The following EPB41L1 variants were observed in gnomAD, a reference collection of about 807,000 sequenced individuals.
EPB41L1 encodes the protein erythrocyte membrane protein band 4.1 like 1, also known as band 4.1-like protein 1.
EPB41L1 carries 29 observed loss-of-function variants against 97.8 expected under a neutral mutation model. The observed-to-expected ratio is 0.30, with a 90% CI of 0.22 to 0.40. The LOEUF (loss-of-function observed/expected upper bound fraction) is 0.40, where lower values mean the gene tolerates loss of function less well. EPB41L1 is among the 10% of genes least tolerant of loss of function. The pLI is 1.00. For synonymous variants in EPB41L1, 383 were observed against 459.2 expected (o/e 0.83, Z 2.12); for missense variants, 812 against 1,162.3 (o/e 0.70, Z 4.38).
chr20:36,142,068 C>T (rs1186688756), intron 2 of EPB41L1, among the ~76,000 whole-genome samples: 2 of 148,854 alleles, frequency 1.3e-5, no homozygotes, highest in Non-Finnish European at 3.0e-5. Context: ...GAGATCATGC[C>T]ACTGCACTTC....
intron 8 of EPB41L1, 147 bp from the exon 9 acceptor site, chr20:36,188,200 G>A: frequency 9.7e-7 from 1 of 1,034,092 alleles, no homozygotes; most frequent in Non-Finnish European, 1.5e-6. Context: ...GGAGGGATTG[G>A]TCAGTGGGAC....
intron 1 of EPB41L1, among the ~76,000 whole-genome samples, chr20:36,168,711 G>C (rs940959986): frequency 6.6e-6 from 1 of 151,564 alleles, no homozygotes; most frequent in Admixed American, 6.6e-5. Flanking sequence ...GTGCCACCAC[G>C]CCCAGCTAAT....
chr20:36,192,852 C>A (rs766607185), intron 11 of EPB41L1, among the ~76,000 whole-genome samples: 33 of 152,312 alleles, frequency 2.2e-4, no homozygotes, highest in Admixed American at 2.6e-4. Context: ...AGAAATGGCT[C>A]TGCAGAAAGG....
At position 36,225,997 on chromosome 20, in the gene EPB41L1, C is replaced by G. The variant is rs11908077; in HGVS notation, c.2638-3335C>G. Reference sequence around the variant, plus strand: ...CTCTTCTGGGTTGTTCTGTAAAGGTCACCTTGTTTATGTTGCCCTGGCAAG... The same window carrying G: ...CTCTTCTGGGTTGTTCTGTAAAGGTGACCTTGTTTATGTTGCCCTGGCAAG... On this transcript the variant is annotated intron_variant, in intron 21 of 21. Coordinates refer to ENST00000338074, the MANE Select transcript of EPB41L1 (RefSeq NM_012156.2). Among the ~76,000 whole-genome samples, 324 of 152,328 alleles carry G rather than the reference C, an allele frequency of 2.1e-3. 2 individuals carry two copies. The highest frequency in any genetic ancestry group is 7.5e-3 in the African/African-American group (311 of 41,570).
Position 36,197,592 on chromosome 20 carries a change from G to A in EPB41L1, c.1486-267G>A, listed in dbSNP as rs891961779. ...AGGTTGGCTGTTCAGAGGCTGTAGA[G>A]CCAGGCAAGGGAGAAGCGAAGGTGG... On this transcript the variant is annotated intron_variant, in intron 13 of 21. Transcript: ENST00000338074. 1.5e-5 allele frequency: 15 copies of A among 981,232 alleles called. No individual in the cohort carries two copies. In the African/African-American group the frequency reaches 2.6e-4, roughly 17 times the overall value. 60.8% of individuals were successfully genotyped at this position (981,232 alleles called of 1,614,324 possible). A position where few individuals can be genotyped will look rare whatever the true frequency, so the allele number is the denominator to read the frequency against.
intron 2 of EPB41L1, among the ~76,000 whole-genome samples, chr20:36,130,970 G>C (rs1289805024): frequency 6.7e-6 from 1 of 148,316 alleles, no homozygotes; most frequent in African/African-American, 2.5e-5. Context: ...CACCACACCC[G>C]GCTAATTTTT....
At chr20:36,111,614 C>T (rs1442777009) in intron 1 of EPB41L1, among the ~76,000 whole-genome samples, 2 of 151,946 alleles carry the variant, frequency 1.3e-5, no homozygotes, top group Non-Finnish European at 2.9e-5. Context: ...GGTAAAACCT[C>T]GTCTCTACTA....
chr20:36,132,369 A>G (rs1042328645), intron 2 of EPB41L1, among the ~76,000 whole-genome samples: 29 of 151,904 alleles, frequency 1.9e-4, no homozygotes, highest in African/African-American at 7.0e-4. Flanking sequence ...TGCCTCCGTC[A>G]TCATATCTCC....
chr20:36,143,861 TC>T (rs1358684211), intron 2 of EPB41L1, among the ~76,000 whole-genome samples: 10 of 152,256 alleles, frequency 6.6e-5, no homozygotes, highest in African/African-American at 2.2e-4. Flanking sequence ...TTTTCTTTTT[TC>T]TTTTTTTTGA....
chr20:36,124,312 C>T (rs2058874849), intron 2 of EPB41L1, among the ~76,000 whole-genome samples: 2 of 152,188 alleles, frequency 1.3e-5, no homozygotes, highest in African/African-American at 2.4e-5. Context: ...GACTATGTCA[C>T]TCAGTGACTT....
At chr20:36,175,470 C>A (rs2145935343) in intron 2 of EPB41L1, 81 bp from the exon 3 acceptor site, 1 of 1,546,550 alleles carries the variant, frequency 6.5e-7, no homozygotes, top group East Asian at 2.2e-5. Context: ...GCCCCAGATG[C>A]CTCTATATTG....
At chr20:36,112,138 C>T (rs1473399670) in intron 1 of EPB41L1, among the ~76,000 whole-genome samples, 1 of 152,222 alleles carries the variant, frequency 6.6e-6, no homozygotes, top group Non-Finnish European at 1.5e-5. Context: ...TGCCCCTCTT[C>T]CATCCTCTAC....
chr20:36,170,127 A>G (rs1023921046), intron 1 of EPB41L1, among the ~76,000 whole-genome samples: 1 of 152,232 alleles, frequency 6.6e-6, no homozygotes, highest in Non-Finnish European at 1.5e-5. Flanking sequence ...TGTGAAATAA[A>G]GATTTCATCA....
chr20:36,137,554 C>T (rs754980327), intron 2 of EPB41L1, among the ~76,000 whole-genome samples: 5 of 150,860 alleles, frequency 3.3e-5, no homozygotes, highest in Non-Finnish European at 7.4e-5. Context: ...GACTGAGTTC[C>T]GCTTTTGTTG....
At chr20:36,182,483 C>G in intron 6 of EPB41L1, 136 bp downstream of exon 6, 1 of 907,758 alleles carries the variant, frequency 1.1e-6, no homozygotes. Context: ...CAGACAGCAT[C>G]GTACACAGGA....
rs1432399316 is a variant in EPB41L1, at chr20:36,191,945, G to GACTCAC, written c.1300+1148_1300+1149insACTCAC. On this transcript the variant is annotated intron_variant, in intron 11 of 21. Transcript: ENST00000338074. ...AGTGGCTTAAAGGTGGGAAGTGGGG[G>GACTCAC]CTGGGCATGGTGACTCATGCCTGTA... Among the ~76,000 whole-genome samples the GACTCAC allele has an allele frequency of 1.5e-4, 23 of 152,300 alleles. No homozygotes were observed. The East Asian group carries it at 4.4e-3, about 29-fold the overall frequency.
chr20:36,148,978 G>T (rs1485186641), intron 2 of EPB41L1, among the ~76,000 whole-genome samples: 2 of 152,192 alleles, frequency 1.3e-5, no homozygotes, highest in Non-Finnish European at 1.5e-5. Context: ...TGGAAGGGAG[G>T]CAACCTTCAG....
In EPB41L1 at chr20:36,231,888, C is replaced by T. The variant is rs1285507898; in HGVS notation, c.*2548C>T. The stretch of plus-strand genomic sequence containing the variant: ...AGAGCTGGAGTGGTGGCTCCATCCT[C>T]TCTGGGCCACTTCGGTCTAGGAACT... On this transcript the variant is annotated 3_prime_UTR_variant, in exon 22 of 22. Coordinates refer to ENST00000338074, the MANE Select transcript of EPB41L1 (RefSeq NM_012156.2). 6.5e-6 allele frequency: 1 copy of T among 152,798 alleles called. No individual in the cohort carries two copies. The highest frequency in any genetic ancestry group is 1.5e-5 in the Non-Finnish European group (1 of 68,116). The allele number at this position is 152,798 out of a possible 1,614,324, so 9.5% of individuals were successfully genotyped here.
At position 36,154,985 on chromosome 20, in the gene EPB41L1, G is replaced by A. The variant is rs2060227610; in HGVS notation, c.-15+89G>A. ...TCCAGCCCTGGGGAGGAACGGGGGC[G>A]AGGCCGAGAACTGAGTTTTCAGGCT... On this transcript the variant is annotated intron_variant, in intron 1 of 21. Transcript: ENST00000338074. This position sits in a 1 kb window ranked among gnomAD's most constrained non-coding sequence, Gnocchi z 5.5. 2 of 1,122,320 alleles carry A rather than the reference G, an allele frequency of 1.8e-6. No homozygotes were observed. Among genetic ancestry groups the A allele is most frequent in the Non-Finnish European group, 2.3e-6 (2 of 880,130 alleles). 69.5% of individuals were successfully genotyped at this position (1,122,320 alleles called of 1,614,324 possible). A position where few individuals can be genotyped will look rare whatever the true frequency, so the allele number is the denominator to read the frequency against.
Sources: gnomAD v4.1 joint callset for allele counts (sites outside exome capture counted in the v4.1 genomes callset) on GRCh38, gnomAD v4.1.1 for gene constraint, Gnocchi (gnomAD v3.1) non-coding constraint, MANE v1.5 for transcripts, NCBI Gene and HGNC (gene_info 2026-07-23, HGNC 2026-07-21) for gene names.